Variants in MYH14 observed in about 807,000 individuals in gnomAD.
MYH14 encodes the protein myosin heavy chain 14, also known as myosin-14.
In MYH14, 123 loss-of-function variants were observed where a neutral mutation model predicts 255.5. That is an observed-to-expected ratio of 0.48 (90% CI 0.42 to 0.56). The LOEUF (loss-of-function observed/expected upper bound fraction) is 0.56. Ranked by LOEUF, MYH14 falls within the 20% of genes least tolerant of loss-of-function variation. The probability of loss-of-function intolerance (pLI) is 0.00; values close to 1 mark genes in which losing one functional copy is unlikely to be tolerated. For synonymous variants in MYH14, 1,095 were observed against 1,161.2 expected, an observed-to-expected ratio of 0.94 and a Z score of 1.16; for missense variants, 2,423 against 2,802.3, an observed-to-expected ratio of 0.86 and a Z score of 3.06.
In MYH14 at chr19:50,266,890, T is replaced by A; in HGVS notation, c.2708T>A (p.Leu903Gln). 6 of 1,551,876 alleles carry A rather than the reference T, an allele frequency of 3.9e-6. No homozygotes were observed. Among genetic ancestry groups the A allele is most frequent in the Non-Finnish European group, 5.2e-6 (6 of 1,147,076 alleles). Residue 903 changes from leucine to glutamine, a missense_variant, in exon 23 of 43, where the codon CTG (leucine) becomes CAG (glutamine). Physicochemically the swap from Leu to Gln is moderately radical, Grantham distance 113 (BLOSUM62 -2). Around this residue, in one of 3 missense-constraint regions of MYH14, gnomAD observed 1,513 missense variants for 1,674.8 expected, o/e 0.90. Coordinates refer to ENST00000642316, the MANE Select transcript of MYH14 (RefSeq NM_001145809.2). This position sits in a 1 kb window ranked among gnomAD's most constrained non-coding sequence, Gnocchi z 4.1. ...ACCTCCACCTAGGTGAAGCCACTGCTGCAGGTGACGCGGCAGGATGAGGTG... is the reference window on the plus strand; with the variant it reads ...ACCTCCACCTAGGTGAAGCCACTGCAGCAGGTGACGCGGCAGGATGAGGTG... ...WRLFTKVKPL[L>Q]QVTRQDEVLQ... is the part of the protein sequence containing the mutation.
At position 50,214,958 on chromosome 19, in the gene MYH14, G is replaced by A. The variant is rs569686371; in HGVS notation, c.406-2657G>A. Among the ~76,000 whole-genome samples the A allele has an allele frequency of 4.7e-4, 72 of 152,048 alleles. 2 individuals carry two copies. In the South Asian group the frequency reaches 0.012, roughly 25 times the overall value. ...CCTTTGTAATGAGGTGGGGAGTGTC[G>A]CCCTCGGTTTCCCAAGGAGGAAACT... On this transcript the variant is annotated intron_variant, in intron 2 of 42. Coordinates refer to ENST00000642316, the MANE Select transcript of MYH14 (RefSeq NM_001145809.2).
intron 18 of MYH14, among the ~76,000 whole-genome samples, chr19:50,257,848 G>A (rs957426632): frequency 1.2e-4 from 19 of 152,206 alleles, no homozygotes; most frequent in Admixed American, 1.2e-3. Context: ...CACAGGGCTT[G>A]ATCTGGTCAG....
Position 50,259,245 on chromosome 19 carries a change from C to T in MYH14, c.2334C>T (p.Leu778=). ...ICRQGFPNRI[L]FQEFRQRYEI... ...GCCAGGGCTTCCCCAACCGCATCCT[C>T]TTCCAGGAGTTCCGGCAGCGGTGAG... The change falls in exon 19 of 43, where the codon CTC becomes CTT. Residue 778 remains leucine (L), a synonymous_variant. Coordinates refer to ENST00000642316, the MANE Select transcript of MYH14 (RefSeq NM_001145809.2). 1 of 1,586,638 alleles carries T rather than the reference C, an allele frequency of 6.3e-7. No individual in the cohort carries two copies. The highest frequency in any genetic ancestry group is 8.6e-7 in the Non-Finnish European group (1 of 1,165,826).
At chr19:50,260,162 C>T (rs1268265628) in intron 19 of MYH14, among the ~76,000 whole-genome samples, 1 of 152,234 alleles carries the variant, frequency 6.6e-6, no homozygotes, top group African/African-American at 2.4e-5. Flanking sequence ...CACTGTGGCT[C>T]ATGCCTGTAA....
intron 40 of MYH14, among the ~76,000 whole-genome samples, chr19:50,302,776 C>T (rs1339380747): frequency 2.0e-5 from 3 of 151,970 alleles, no homozygotes; most frequent in South Asian, 2.1e-4. Flanking sequence ...GTGGCACGTG[C>T]CTGTAATCCC....
chr19:50,293,738 C>T lies in MYH14; in HGVS notation c.5469+51C>T. The T allele has an allele frequency of 1.3e-6, 2 of 1,504,378 alleles. No individual in the cohort carries two copies. The highest frequency in any genetic ancestry group is 1.8e-6 in the Non-Finnish European group (2 of 1,124,872). 93.2% of individuals were successfully genotyped at this position (1,504,378 alleles called of 1,614,324 possible). On this transcript the variant is annotated intron_variant, in intron 39 of 42. Coordinates refer to ENST00000642316, the MANE Select transcript of MYH14 (RefSeq NM_001145809.2). The surrounding 1 kb of genome is among the most constrained non-coding windows in gnomAD (Gnocchi z 4.1). ...AGCCTCAGTCCCCATTGACCTGGGA[C>T]CGTAACCTTCAGTCCTCTTATTCAA...
At chr19:50,259,094 G>A (rs1161045399) in intron 18 of MYH14, 50 bp from the exon 19 acceptor site, 2 of 1,525,586 alleles carry the variant, frequency 1.3e-6, no homozygotes, top group Non-Finnish European at 1.8e-6. Flanking sequence ...ACCGTTTGGC[G>A]CCCCCGTGTG....
rs55920119 is a variant in MYH14 at position 50,230,271 on chromosome 19, G to T, written c.875-254G>T. 0.32 allele frequency among the ~76,000 whole-genome samples: 48,417 copies of T among 152,026 alleles called. 9,019 individuals are homozygous for T. Among genetic ancestry groups the T allele is most frequent in the South Asian group, 0.51 (2,457 of 4,806 alleles). On this transcript the variant is annotated intron_variant, in intron 8 of 42. Coordinates refer to ENST00000642316, the MANE Select transcript of MYH14 (RefSeq NM_001145809.2). This position sits in a 1 kb window ranked among gnomAD's most constrained non-coding sequence, Gnocchi z 4.7. ...CTGTCTCTAAAAAGAGAGAGAGAGAGAGAGGAAGGTCTCCTAAAGGTGTTA... is the reference window on the plus strand; with the variant it reads ...CTGTCTCTAAAAAGAGAGAGAGAGATAGAGGAAGGTCTCCTAAAGGTGTTA...
rs1432315929 is a variant in MYH14 at position 50,230,490 on chromosome 19, C to T, written c.875-35C>T. On this transcript the variant is annotated intron_variant, in intron 8 of 42. Coordinates refer to ENST00000642316, the MANE Select transcript of MYH14 (RefSeq NM_001145809.2). The surrounding 1 kb of genome is among the most constrained non-coding windows in gnomAD (Gnocchi z 4.7). Reference sequence around the variant, plus strand: ...GTGGCCTGGCAGCGTCGGGGCCGTCCCTTCCCCTCTAGCACCTTGACTCGC... The same window carrying T: ...GTGGCCTGGCAGCGTCGGGGCCGTCTCTTCCCCTCTAGCACCTTGACTCGC... 1 of 1,537,942 alleles carries T rather than the reference C, an allele frequency of 6.5e-7. No homozygotes were observed. Among genetic ancestry groups the T allele is most frequent in the African/African-American group, 1.4e-5 (1 of 72,890 alleles).
Position 50,232,076 on chromosome 19 carries a change from T to C in MYH14, c.1114+6T>C, listed in dbSNP as rs2041160554. The C allele has an allele frequency of 6.2e-7, 1 of 1,610,742 alleles. No homozygotes were observed. The highest frequency in any genetic ancestry group is 1.3e-5 in the African/African-American group (1 of 74,912). ...CAGCCACGAGGAAATCATCTGTGAG[T>C]GAGCCCCGTGGAGGCCAGGGGTAGG... is the stretch of plus-strand genomic sequence containing the variant. On this transcript the variant is annotated splice_donor_region_variant and intron_variant, in intron 10 of 42. Coordinates refer to ENST00000642316, the MANE Select transcript of MYH14 (RefSeq NM_001145809.2).
intron 10 of MYH14, among the ~76,000 whole-genome samples, chr19:50,236,795 CT>C (rs1297957311): frequency 6.6e-6 from 1 of 152,140 alleles, no homozygotes; most frequent in Admixed American, 6.6e-5. Context: ...AATCGAACAG[CT>C]TTAAGATATA....
chr19:50,282,886 G>A (rs2035773187), intron 33 of MYH14, among the ~76,000 whole-genome samples: 1 of 152,022 alleles, frequency 6.6e-6, no homozygotes, highest in Admixed American at 6.6e-5. Context: ...TGTGCTTCCT[G>A]TAGCTGTGGG....
At chr19:50,233,677 C>G (rs669591) in intron 10 of MYH14, among the ~76,000 whole-genome samples, 96,033 of 151,644 alleles carry the variant, frequency 0.63, 30,454 homozygotes, top group East Asian at 0.72. Flanking sequence ...CAGGTCTCTC[C>G]CTAGGCTCCT....
intron 12 of MYH14, among the ~76,000 whole-genome samples, chr19:50,248,299 C>T (rs2034213663): frequency 1.3e-5 from 2 of 152,010 alleles, no homozygotes; most frequent in Admixed American, 1.3e-4. Context: ...AGAAAGATCC[C>T]CTTGGCTGCT....
rs45476792 is a variant in MYH14, at chr19:50,250,765, G to A, written c.1830+77G>A. 0.038 allele frequency: 56,277 copies of A among 1,470,552 alleles called. 1,846 individuals carry two copies. Among genetic ancestry groups the A allele is most frequent in the Admixed American group, 0.16 (8,586 of 52,914 alleles). 91.1% of individuals were successfully genotyped at this position (1,470,552 alleles called of 1,614,324 possible). A position where few individuals can be genotyped will look rare whatever the true frequency, so the allele number is the denominator to read the frequency against. On this transcript the variant is annotated intron_variant, in intron 15 of 42. Coordinates refer to ENST00000642316, the MANE Select transcript of MYH14 (RefSeq NM_001145809.2). This position sits in a 1 kb window ranked among gnomAD's most constrained non-coding sequence, Gnocchi z 5.4. ...TCCACTGGCTACAGATGGGGGGAGG[G>A]TGCAGAGGGAAAACAGGGTCCTCCT... is the stretch of plus-strand genomic sequence containing the variant.
chr19:50,278,374 T>G, intron 30 of MYH14, 85 bp downstream of exon 30: 1 of 987,932 alleles, frequency 1.0e-6, no homozygotes, highest in East Asian at 2.8e-5. Context: ...TTGGTCCATA[T>G]CAAACCAATT....
chr19:50,237,486 C>T (rs1568486191), intron 10 of MYH14, among the ~76,000 whole-genome samples: 2 of 152,238 alleles, frequency 1.3e-5, no homozygotes, highest in Middle Eastern at 3.4e-3. Flanking sequence ...CCACCACACC[C>T]GCTAACTTTT....
chr19:50,271,136 C>G (rs1354914568), intron 24 of MYH14, among the ~76,000 whole-genome samples: 1 of 152,062 alleles, frequency 6.6e-6, no homozygotes, highest in African/African-American at 2.4e-5. Context: ...GTGCGGTCAT[C>G]TCTCACTGCA....
At chr19:50,222,112 A>G (rs766078125) in intron 3 of MYH14, among the ~76,000 whole-genome samples, 1 of 152,154 alleles carries the variant, frequency 6.6e-6, no homozygotes, top group African/African-American at 2.4e-5. Flanking sequence ...TCTCAGGGTA[A>G]TAACCAAAAA....
Sources: allele counts gnomAD v4.1 joint callset (sites outside exome capture counted in the v4.1 genomes callset), GRCh38; gene constraint gnomAD v4.1.1; regional missense constraint gnomAD v4.1.1; non-coding constraint Gnocchi (gnomAD v3.1); transcripts MANE v1.5; gene names NCBI Gene and HGNC (gene_info 2026-07-23, HGNC 2026-07-21).